Variants in USP3 observed in about 807,000 individuals in gnomAD.
USP3 encodes ubiquitin specific peptidase 3, also known as ubiquitin carboxyl-terminal hydrolase 3.
Under a neutral mutation model 72.3 loss-of-function variants are expected in USP3, and 20 were observed. The ratio of observed to expected loss-of-function variants is 0.28; its 90% CI spans 0.19 to 0.40. USP3 has a LOEUF of 0.40. Among genes scored for constraint, USP3 ranks in the 10% least tolerant of loss-of-function variants. The pLI, the probability that USP3 is intolerant of heterozygous loss-of-function variation, is 1.00. For missense variants in USP3, 479 were observed against 633.9 expected, an observed-to-expected ratio of 0.76 and a Z score of 2.62; for synonymous variants, 222 against 225.3, an observed-to-expected ratio of 0.99 and a Z score of 0.13.
At chr15:63,579,927 TTGTTA>T (rs1242668915) in intron 11 of USP3, among the ~76,000 whole-genome samples, 2 of 152,192 alleles carry the variant, frequency 1.3e-5, no homozygotes, top group African/African-American at 2.4e-5. Flanking sequence ...ACTCGTGTTG[TTGTTA>T]TAAGTCTAAA....
chr15:63,587,583 C>G (rs1385545293), intron 11 of USP3: 1 of 152,174 alleles, frequency 6.6e-6, no homozygotes, highest in African/African-American at 2.4e-5. Flanking sequence ...TTTCAAGAAC[C>G]TGTCATGATA....
chr15:63,556,374 G>C (rs2066508692), intron 4 of USP3: 1 of 263,574 alleles, frequency 3.8e-6, no homozygotes, highest in Non-Finnish European at 7.2e-6. Flanking sequence ...AAGCTTCGCA[G>C]TCAGTCAGAC....
intron 4 of USP3, among the ~76,000 whole-genome samples, chr15:63,555,524 G>A (rs1206651033): frequency 6.6e-6 from 1 of 152,142 alleles, no homozygotes. Flanking sequence ...AGATAGCATG[G>A]ATCTAGAAGA....
At chr15:63,537,592 T>A (rs1473005423) in intron 3 of USP3, among the ~76,000 whole-genome samples, 1 of 152,218 alleles carries the variant, frequency 6.6e-6, no homozygotes, top group Non-Finnish European at 1.5e-5. Flanking sequence ...AAAAAAATTA[T>A]TCTGACAGTC....
intron 1 of USP3, among the ~76,000 whole-genome samples, chr15:63,509,781 T>G (rs926766034): frequency 2.6e-5 from 4 of 152,168 alleles, no homozygotes; most frequent in Non-Finnish European, 5.9e-5. Flanking sequence ...TGCTCATGGA[T>G]GTGAAATGTG....
intron 2 of USP3, among the ~76,000 whole-genome samples, chr15:63,535,680 G>A (rs1225777749): frequency 2.6e-5 from 4 of 152,166 alleles, no homozygotes; most frequent in African/African-American, 7.2e-5. Flanking sequence ...GAGAAAGAAC[G>A]TGATCACATT....
In USP3 at chr15:63,544,677, T is replaced by C. The variant is rs1031092739; in HGVS notation, c.284+7521T>C. 1 of 701,606 alleles carries C rather than the reference T, an allele frequency of 1.4e-6. No homozygotes were observed. Among genetic ancestry groups the C allele is most frequent in the Non-Finnish European group, 2.6e-6 (1 of 384,496 alleles). 43.5% of individuals were successfully genotyped at this position (701,606 alleles called of 1,614,324 possible). A position where few individuals can be genotyped will look rare whatever the true frequency, so the allele number is the denominator to read the frequency against. On this transcript the variant is annotated intron_variant, in intron 3 of 14. Coordinates refer to ENST00000380324, the MANE Select transcript of USP3 (RefSeq NM_006537.4). This position sits in a 1 kb window ranked among gnomAD's most constrained non-coding sequence, Gnocchi z 4.2. ...AAGATGGAGATGACCGAATGAGGAA[T>C]ATTGTTTTGCCATTAAATAAGTGAA...
intron 8 of USP3, among the ~76,000 whole-genome samples, chr15:63,569,678 T>TC (rs562892253): frequency 2.0e-5 from 3 of 152,238 alleles, no homozygotes; most frequent in South Asian, 4.1e-4. Context: ...TCCCAGACCT[T>TC]CCACCTGTTC....
rs1364117046 is a variant in USP3, at chr15:63,529,258, G to A, written c.92-3389G>A. On this transcript the variant is annotated intron_variant, in intron 1 of 14. Transcript: ENST00000380324. This position sits in a 1 kb window ranked among gnomAD's most constrained non-coding sequence, Gnocchi z 4.2. The stretch of plus-strand genomic sequence containing the variant: ...TTGTTTCCAATGATTTTGGAAGTCA[G>A]TACTTTATTCCCTTTTACTTTCTCT... 2.5e-6 allele frequency: 1 copy of A among 395,604 alleles called. No individual in the cohort carries two copies. The highest frequency in any genetic ancestry group is 4.8e-6 in the Non-Finnish European group (1 of 208,130). The allele number at this position is 395,604 out of a possible 1,614,324, so 24.5% of individuals were successfully genotyped here. A position where few individuals can be genotyped will look rare whatever the true frequency, so the allele number is the denominator to read the frequency against.
In USP3 at chr15:63,593,356, C is replaced by G. The variant is rs146846974; in HGVS notation, c.*2530C>G. The G allele has an allele frequency of 7.9e-5, 12 of 152,306 alleles. No individual in the cohort carries two copies. The highest frequency in any genetic ancestry group is 2.6e-4 in the African/African-American group (11 of 41,550). The allele number at this position is 152,306 out of a possible 1,614,324, so 9.4% of individuals were successfully genotyped here. A position where few individuals can be genotyped will look rare whatever the true frequency, so the allele number is the denominator to read the frequency against. On this transcript the variant is annotated 3_prime_UTR_variant, in exon 15 of 15. Transcript: ENST00000380324. ...AAAGTATCTCCTATGAATCCGGGCT[C>G]TTTTGCTTAGAAGGTAGACAGCTGT...
At chr15:63,543,310 GAC>G (rs2066273266) in intron 3 of USP3, among the ~76,000 whole-genome samples, 1 of 151,834 alleles carries the variant, frequency 6.6e-6, no homozygotes, top group African/African-American at 2.4e-5. Context: ...AAAAAAAAAA[GAC>G]ACATTTTACT....
Position 63,588,751 on chromosome 15 carries a change from A to ATAAAGTTGATAC in USP3, c.1266_1277dup (p.Lys423_Thr426dup), listed in dbSNP as rs760128131. 6.2e-7 allele frequency: 1 copy of ATAAAGTTGATAC among 1,614,216 alleles called. No homozygotes were observed. Among genetic ancestry groups the ATAAAGTTGATAC allele is most frequent in the Admixed American group, 1.7e-5 (1 of 60,028 alleles). ...TTTCATTGGACAGCATATTTAAGAA[A>ATAAAGTTGATAC]TAAAGTTGATACATACGTAGAATTT... On this transcript the variant is annotated inframe_insertion, in exon 13 of 15. Transcript: ENST00000380324. The surrounding 1 kb of genome is among the most constrained non-coding windows in gnomAD (Gnocchi z 4.6).
rs1023253439 is a variant in USP3 at position 63,591,941 on chromosome 15, G to GTCTC, written c.*1121_*1124dup. 1 of 152,268 alleles carries GTCTC rather than the reference G, an allele frequency of 6.6e-6. No individual in the cohort carries two copies. Among genetic ancestry groups the GTCTC allele is most frequent in the African/African-American group, 2.4e-5 (1 of 41,436 alleles). The allele number at this position is 152,268 out of a possible 1,614,324, so 9.4% of individuals were successfully genotyped here. ...TTTTTGGGGGTTTTTGGAGACAAGA[G>GTCTC]TCTCTCTCTGTTGCCCAGGCTGGAG... On this transcript the variant is annotated 3_prime_UTR_variant, in exon 15 of 15. Transcript: ENST00000380324.
At chr15:63,560,346 G>A (rs1388436079) in intron 7 of USP3, among the ~76,000 whole-genome samples, 1 of 151,376 alleles carries the variant, frequency 6.6e-6, no homozygotes, top group Non-Finnish European at 1.5e-5. Flanking sequence ...AACCCAAGAG[G>A]CAGAGGTTGC....
chr15:63,578,364 G>A lies in USP3; in HGVS notation c.1096+3961G>A, dbSNP rs569305122. The stretch of plus-strand genomic sequence containing the variant: ...TGAAGCCTGTAATCCCAGCACTTTG[G>A]GAGGCCGAGGCGGGTGGATCACGAG... On this transcript the variant is annotated intron_variant, in intron 11 of 14. Coordinates refer to ENST00000380324, the MANE Select transcript of USP3 (RefSeq NM_006537.4). 2.5e-3 allele frequency among the ~76,000 whole-genome samples: 374 copies of A among 152,184 alleles called. 1 individual carries two copies. Among genetic ancestry groups the A allele is most frequent in the African/African-American group, 8.7e-3 (361 of 41,506 alleles).
chr15:63,589,775 A>ATACTC (rs1476293075), intron 14 of USP3, among the ~76,000 whole-genome samples: 2 of 152,098 alleles, frequency 1.3e-5, no homozygotes, highest in Admixed American at 6.5e-5. Flanking sequence ...CATGTCTTAA[A>ATACTC]TACTCTAATG....
chr15:63,583,110 A>G (rs891995886), intron 11 of USP3, among the ~76,000 whole-genome samples: 2 of 151,984 alleles, frequency 1.3e-5, no homozygotes, highest in African/African-American at 4.8e-5. Context: ...CAGGTTAAAT[A>G]TAGGGGGGGG....
chr15:63,504,723 C>G lies in USP3; in HGVS notation c.-17C>G. The G allele has an allele frequency of 6.3e-7, 1 of 1,595,798 alleles. No homozygotes were observed. The highest frequency in any genetic ancestry group is 8.5e-7 in the Non-Finnish European group (1 of 1,171,250). ...GGTCCTGGAGCCGCAGTCCTCCCAG[C>G]TGCCCTCCTCGTGGCCATGGAGTGT... On this transcript the variant is annotated 5_prime_UTR_variant, in exon 1 of 15. Coordinates refer to ENST00000380324, the MANE Select transcript of USP3 (RefSeq NM_006537.4).
At chr15:63,581,510 G>A (rs2066961825) in intron 11 of USP3, among the ~76,000 whole-genome samples, 1 of 149,310 alleles carries the variant, frequency 6.7e-6, no homozygotes, top group Non-Finnish European at 1.5e-5. Context: ...AGCCTCCTGA[G>A]TAGCTGGGAC....
Sources: allele counts gnomAD v4.1 joint callset (sites outside exome capture counted in the v4.1 genomes callset), GRCh38; gene constraint gnomAD v4.1.1; non-coding constraint Gnocchi (gnomAD v3.1); transcripts MANE v1.5; gene names NCBI Gene and HGNC (gene_info 2026-07-23, HGNC 2026-07-21).